The following ATG14 variants were observed in gnomAD, a reference collection of about 807,000 sequenced individuals.
ATG14 encodes beclin 1-associated autophagy-related key regulator.
Under a neutral mutation model 60.4 loss-of-function variants are expected in ATG14, and 35 were observed. The observed-to-expected ratio is 0.58, with a 90% CI of 0.44 to 0.77. ATG14 has a LOEUF of 0.77. Among genes scored for constraint, ATG14 ranks in the 30% least tolerant of loss-of-function variants. ATG14 has a pLI of 0.00. For missense variants in ATG14, 647 were observed against 626.3 expected, an observed-to-expected ratio of 1.03 and a Z score of -0.35; for synonymous variants, 234 against 228.8, an observed-to-expected ratio of 1.02 and a Z score of -0.21.
intron 5 of ATG14, among the ~76,000 whole-genome samples, chr14:55,383,729 C>A (rs188324966): frequency 2.8e-4 from 43 of 152,100 alleles, no homozygotes; most frequent in Non-Finnish European, 5.3e-4. Flanking sequence ...TGCACTCCAG[C>A]CTGGGCAACA....
chr14:55,369,279 C>A lies in ATG14; in HGVS notation c.*340G>T, dbSNP rs1004755956. The A allele has an allele frequency of 9.5e-5, 17 of 179,756 alleles. No individual in the cohort carries two copies. Among genetic ancestry groups the A allele is most frequent in the Non-Finnish European group, 1.5e-4 (14 of 90,522 alleles). 11.1% of individuals were successfully genotyped at this position (179,756 alleles called of 1,614,324 possible). A position where few individuals can be genotyped will look rare whatever the true frequency, so the allele number is the denominator to read the frequency against. On this transcript the variant is annotated 3_prime_UTR_variant, in exon 10 of 10. Coordinates refer to ENST00000247178, the MANE Select transcript of ATG14 (RefSeq NM_014924.5). ...GCACCGCAAGGACCAGCACACTGAC[C>A]CATATCTGTGGGCCCGGTGGCCCGG... is the stretch of plus-strand genomic sequence containing the variant.
chr14:55,394,151 C>T (rs776395788), intron 3 of ATG14, among the ~76,000 whole-genome samples: 27 of 151,840 alleles, frequency 1.8e-4, no homozygotes, highest in Non-Finnish European at 3.4e-4. Context: ...GGATTACAGG[C>T]GTGTGCCACC....
In ATG14 at chr14:55,369,400, C is replaced by T. The variant is rs986491017; in HGVS notation, c.*219G>A. On this transcript the variant is annotated 3_prime_UTR_variant, in exon 10 of 10. Coordinates refer to ENST00000247178, the MANE Select transcript of ATG14 (RefSeq NM_014924.5). ...GCACTGGTCTGGGTAGAAAGACCTT[C>T]GACCCCTGTTCTCTTAATTATCATA... is the stretch of plus-strand genomic sequence containing the variant. 2.7e-5 allele frequency: 11 copies of T among 405,412 alleles called. No homozygotes were observed. Among genetic ancestry groups the T allele is most frequent in the South Asian group, 8.9e-5 (1 of 11,196 alleles). 25.1% of individuals were successfully genotyped at this position (405,412 alleles called of 1,614,324 possible). A position where few individuals can be genotyped will look rare whatever the true frequency, so the allele number is the denominator to read the frequency against.
At chr14:55,408,728 G>C (rs1885526736) in intron 1 of ATG14, among the ~76,000 whole-genome samples, 2 of 152,128 alleles carry the variant, frequency 1.3e-5, no homozygotes, top group Non-Finnish European at 2.9e-5. Flanking sequence ...CCATGATTGT[G>C]CCAGTGCACT....
intron 5 of ATG14, among the ~76,000 whole-genome samples, chr14:55,385,118 G>A (rs557620389): frequency 3.0e-4 from 45 of 152,260 alleles, no homozygotes; most frequent in African/African-American, 9.1e-4. Context: ...CCATCTAAGA[G>A]ACCCCAAGCT....
rs1449213149 is a variant in ATG14 at position 55,368,174 on chromosome 14, A to G, written c.*1445T>C. 1 of 152,646 alleles carries G rather than the reference A, an allele frequency of 6.6e-6. No individual in the cohort carries two copies. The highest frequency in any genetic ancestry group is 2.4e-5 in the African/African-American group (1 of 41,464). 9.5% of individuals were successfully genotyped at this position (152,646 alleles called of 1,614,324 possible). A position where few individuals can be genotyped will look rare whatever the true frequency, so the allele number is the denominator to read the frequency against. ...ATAGTTTTCTTGTAAGATTGTCACT[A>G]AAAGAATGACAAGACACGTGAGCTG... is the stretch of plus-strand genomic sequence containing the variant. On this transcript the variant is annotated 3_prime_UTR_variant, in exon 10 of 10. Coordinates refer to ENST00000247178, the MANE Select transcript of ATG14 (RefSeq NM_014924.5).
chr14:55,379,312 G>T (rs1212673895), intron 7 of ATG14, among the ~76,000 whole-genome samples: 1 of 151,998 alleles, frequency 6.6e-6, no homozygotes, highest in Non-Finnish European at 1.5e-5. Flanking sequence ...GAGGAGGGCG[G>T]ATCGCTTGAG....
chr14:55,411,180 T>C (rs752238153), intron 1 of ATG14, among the ~76,000 whole-genome samples: 2 of 152,252 alleles, frequency 1.3e-5, no homozygotes, highest in African/African-American at 2.4e-5. Context: ...AAAGCAGTTA[T>C]TTGATTCTCT....
chr14:55,408,776 A>G (rs2140155776), intron 1 of ATG14, among the ~76,000 whole-genome samples: 1 of 152,324 alleles, frequency 6.6e-6, no homozygotes, highest in South Asian at 2.1e-4. Flanking sequence ...GTCTCAAAAA[A>G]AATAAAATAA....
At chr14:55,402,329 AT>A (rs1437027786) in intron 1 of ATG14, among the ~76,000 whole-genome samples, 2 of 152,198 alleles carry the variant, frequency 1.3e-5, no homozygotes, top group Non-Finnish European at 2.9e-5. Flanking sequence ...CTACTAATGT[AT>A]TTTAAGAAAG....
intron 4 of ATG14, among the ~76,000 whole-genome samples, chr14:55,386,982 C>CTTA (rs1450271336): frequency 3.9e-5 from 6 of 152,184 alleles, no homozygotes; most frequent in Non-Finnish European, 8.8e-5. Flanking sequence ...ACTGCCTAAT[C>CTTA]AACCCTTGAT....
intron 5 of ATG14, among the ~76,000 whole-genome samples, chr14:55,384,465 CTT>C (rs900688422): frequency 3.3e-5 from 5 of 152,222 alleles, no homozygotes; most frequent in African/African-American, 1.2e-4. Flanking sequence ...GCTAATATCT[CTT>C]TTGGGGTTCA....
chr14:55,384,942 CTA>C (rs1024142795), intron 5 of ATG14, among the ~76,000 whole-genome samples: 215 of 152,340 alleles, frequency 1.4e-3, no homozygotes, highest in African/African-American at 4.8e-3. Context: ...TCTGGAACCT[CTA>C]TTTCTCAGAT....
At chr14:55,392,053 C>T (rs1885226626) in intron 3 of ATG14, among the ~76,000 whole-genome samples, 1 of 152,172 alleles carries the variant, frequency 6.6e-6, no homozygotes, top group South Asian at 2.1e-4. Context: ...AATTTTTCCA[C>T]GGACAGGGTG....
chr14:55,409,525 A>C (rs1885539069), intron 1 of ATG14, among the ~76,000 whole-genome samples: 1 of 151,990 alleles, frequency 6.6e-6, no homozygotes, highest in South Asian at 2.1e-4. Context: ...ATTTTAATAG[A>C]AGGATCAGAA....
At position 55,372,846 on chromosome 14, in the gene ATG14, G is replaced by A. The variant is rs368025328; in HGVS notation, c.1173-2921C>T. Among the ~76,000 whole-genome samples, 6 of 152,270 alleles carry A rather than the reference G, an allele frequency of 3.9e-5. No homozygotes were observed. In the South Asian group the frequency reaches 6.2e-4, roughly 16 times the overall value. On this transcript the variant is annotated intron_variant, in intron 9 of 9. Transcript: ENST00000247178. ...GAGAGGAGGAAATGTCCAAGTTCCC[G>A]GTGGACTCCGGTTCTCTGCGTGGAG...
chr14:55,377,832 C>A lies in ATG14; in HGVS notation c.1159G>T (p.Glu387Ter). The change falls in exon 9 of 10, where the codon GAA (glutamate) becomes TAA (stop). Residue 387 changes from glutamate to a stop codon, truncating the protein, a stop_gained. Transcript: ENST00000247178. LOFTEE classifies it high-confidence loss of function. ...NLMYLVSPSS[E>*]HLGRSGPFEV... ...ATATCTTCTTACCTGCCTAGGTGTT[C>A]AGAGCTTGGACTGACCAGGTACATT... The A allele has an allele frequency of 6.3e-7, 1 of 1,584,372 alleles. No individual in the cohort carries two copies. The highest frequency in any genetic ancestry group is 1.2e-5 in the South Asian group (1 of 85,328).
At chr14:55,392,602 T>C (rs371618851) in intron 3 of ATG14, among the ~76,000 whole-genome samples, 32 of 150,524 alleles carry the variant, frequency 2.1e-4, no homozygotes, top group East Asian at 1.4e-3. Context: ...TGAGCCAAGA[T>C]TGTGCCACGG....
intron 9 of ATG14, among the ~76,000 whole-genome samples, chr14:55,375,137 G>C (rs1038683731): frequency 6.6e-6 from 1 of 152,142 alleles, no homozygotes; most frequent in East Asian, 1.9e-4. Flanking sequence ...ACGGTGTGTA[G>C]AGCCATTCAA....
Sources: gnomAD v4.1 joint callset for allele counts (sites outside exome capture counted in the v4.1 genomes callset) on GRCh38, gnomAD v4.1.1 for gene constraint, MANE v1.5 for transcripts, NCBI Gene and HGNC (gene_info 2026-07-23, HGNC 2026-07-21) for gene names.